SLIT3: variants seen among roughly 807,000 people sequenced by gnomAD.
SLIT3 encodes slit homolog 3 protein.
Under a neutral mutation model 184.0 loss-of-function variants are expected in SLIT3, and 68 were observed. That is an observed-to-expected ratio of 0.37 (90% CI 0.30 to 0.45). The LOEUF is 0.45. Ranked by LOEUF, SLIT3 falls within the 20% of genes least tolerant of loss-of-function variation. The pLI is 1.00. For synonymous variants in SLIT3, 831 were observed against 828.6 expected, an observed-to-expected ratio of 1.00 and a Z score of -0.05; for missense variants, 1,707 against 2,026.0, an observed-to-expected ratio of 0.84 and a Z score of 3.02.
At chr5:168,935,139 AAAAAAAAAAAC>A (rs1326447171) in intron 4 of SLIT3, among the ~76,000 whole-genome samples, 3 of 144,576 alleles carry the variant, frequency 2.1e-5, no homozygotes, top group Non-Finnish European at 4.7e-5. Context: ...CTCCGTCTCA[AAAAAAAAAAAC>A]AAAAAAAAAA....
chr5:169,159,566 C>G lies in SLIT3; in HGVS notation c.413+33913G>C, dbSNP rs548350611. 5.3e-5 allele frequency among the ~76,000 whole-genome samples: 8 copies of G among 151,422 alleles called. No individual in the cohort carries two copies. The South Asian group carries it at 1.7e-3, about 32-fold the overall frequency. ...TGAGGTGGGCGGATCACAAGGTCAG[C>G]ACATCGAGACCACCCTGGCTAACAT... is the stretch of plus-strand genomic sequence containing the variant. On this transcript the variant is annotated intron_variant, in intron 4 of 35. Transcript: ENST00000519560.
In SLIT3 at chr5:169,214,388, G is replaced by A. The variant is rs1310610747; in HGVS notation, c.342-20838C>T. ...CCACAAGGGCCTTAAAGGGGAATTG[G>A]GATGTGGAAAGAGAAAAGAGGCAGA... On this transcript the variant is annotated intron_variant, in intron 3 of 35. Coordinates refer to ENST00000519560, the MANE Select transcript of SLIT3 (RefSeq NM_003062.4). 4.6e-5 allele frequency among the ~76,000 whole-genome samples: 7 copies of A among 152,212 alleles called. No homozygotes were observed. In the East Asian group the frequency reaches 9.6e-4, roughly 21 times the overall value.
intron 4 of SLIT3, among the ~76,000 whole-genome samples, chr5:169,005,477 T>G (rs754890633): frequency 2.4e-4 from 36 of 152,200 alleles, no homozygotes; most frequent in Non-Finnish European, 1.3e-4. Context: ...CCAGTGTGGT[T>G]GCTATGATCA....
chr5:169,030,411 A>AT (rs1431098620), intron 4 of SLIT3: 1 of 152,176 alleles, frequency 6.6e-6, no homozygotes, highest in Non-Finnish European at 1.5e-5. Context: ...GCTTTCAGAG[A>AT]TTTTGTGACC....
intron 2 of SLIT3, among the ~76,000 whole-genome samples, chr5:169,249,649 C>A (rs1050122643): frequency 1.3e-5 from 2 of 152,180 alleles, no homozygotes; most frequent in African/African-American, 4.8e-5. Context: ...TTTAACCTGG[C>A]AAATGACATA....
chr5:169,257,760 G>A (rs1331117442), intron 1 of SLIT3, among the ~76,000 whole-genome samples: 1 of 151,620 alleles, frequency 6.6e-6, no homozygotes, highest in African/African-American at 2.4e-5. Context: ...TCACCATGTT[G>A]GCCAGGCTGT....
intron 4 of SLIT3, among the ~76,000 whole-genome samples, chr5:169,144,633 C>T (rs1761868007): frequency 6.6e-6 from 1 of 152,182 alleles, no homozygotes; most frequent in African/African-American, 2.4e-5. Context: ...CATGTGAATC[C>T]TCAGGAAGGG....
chr5:169,117,915 A>G (rs1760743047), intron 4 of SLIT3, among the ~76,000 whole-genome samples: 1 of 152,204 alleles, frequency 6.6e-6, no homozygotes, highest in African/African-American at 2.4e-5. Context: ...GAACTAGCAT[A>G]ACTAAGAAAA....
chr5:168,793,014 T>C (rs1756434329), intron 10 of SLIT3, among the ~76,000 whole-genome samples: 1 of 152,214 alleles, frequency 6.6e-6, no homozygotes, highest in African/African-American at 2.4e-5. Flanking sequence ...AGTTTCATAT[T>C]TAGACTTGGA....
intron 28 of SLIT3, 111 bp from the exon 29 acceptor site, chr5:168,692,811 C>T (rs766332602): frequency 2.8e-5 from 20 of 725,594 alleles, no homozygotes; most frequent in Non-Finnish European, 4.3e-5. Flanking sequence ...ACTCATCCAG[C>T]CCCTGGTCAG....
chr5:169,004,677 C>G (rs1203802338), intron 4 of SLIT3, among the ~76,000 whole-genome samples: 1 of 152,120 alleles, frequency 6.6e-6, no homozygotes, highest in East Asian at 1.9e-4. Flanking sequence ...GAAAGCCTAA[C>G]CACCAAGACG....
intron 1 of SLIT3, among the ~76,000 whole-genome samples, chr5:169,283,744 C>T (rs910332613): frequency 6.6e-6 from 1 of 152,198 alleles, no homozygotes; most frequent in Non-Finnish European, 1.5e-5. Context: ...CTAATACAGA[C>T]AAGGATCATT....
At chr5:169,057,544 T>C (rs1758042486) in intron 4 of SLIT3, among the ~76,000 whole-genome samples, 1 of 152,152 alleles carries the variant, frequency 6.6e-6, no homozygotes, top group Admixed American at 6.5e-5. Flanking sequence ...AGAGGGTGGC[T>C]AAGAATAGGG....
At chr5:168,920,042 G>A (rs904243016) in intron 4 of SLIT3, among the ~76,000 whole-genome samples, 5 of 152,184 alleles carry the variant, frequency 3.3e-5, no homozygotes, top group Admixed American at 3.3e-4. Flanking sequence ...CTACTACGTG[G>A]AAGTGAGTGT....
At chr5:168,824,142 G>T (rs1443040619) in intron 6 of SLIT3, among the ~76,000 whole-genome samples, 6 of 152,070 alleles carry the variant, frequency 3.9e-5, no homozygotes, top group African/African-American at 1.4e-4. Flanking sequence ...TCACCATGTG[G>T]GCCAGGCTGG....
At chr5:168,817,248 A>ATGGG in intron 8 of SLIT3, 52 bp downstream of exon 8, 1 of 1,550,486 alleles carries the variant, frequency 6.4e-7, no homozygotes, top group South Asian at 1.1e-5. Flanking sequence ...GTGGGAGCTC[A>ATGGG]TGGGTGGGTG....
At chr5:168,934,686 G>C (rs546849400) in intron 4 of SLIT3, among the ~76,000 whole-genome samples, 2 of 152,218 alleles carry the variant, frequency 1.3e-5, no homozygotes, top group South Asian at 4.1e-4. Flanking sequence ...TGTAGGAAAG[G>C]GGAGCACTTC....
chr5:169,095,312 C>T (rs1408484682), intron 4 of SLIT3, among the ~76,000 whole-genome samples: 1 of 152,184 alleles, frequency 6.6e-6, no homozygotes, highest in Non-Finnish European at 1.5e-5. Context: ...GCACCGAAAA[C>T]CACATCTGAC....
At chr5:168,966,808 C>T (rs1763211745) in intron 4 of SLIT3, among the ~76,000 whole-genome samples, 2 of 152,132 alleles carry the variant, frequency 1.3e-5, no homozygotes, top group Admixed American at 6.6e-5. Flanking sequence ...AAATGATGAT[C>T]CCCCATGAAC....
Sources: gnomAD v4.1 joint callset for allele counts (sites outside exome capture counted in the v4.1 genomes callset) on GRCh38, gnomAD v4.1.1 for gene constraint, MANE v1.5 for transcripts, NCBI Gene and HGNC (gene_info 2026-07-23, HGNC 2026-07-21) for gene names.